Variants in GRID1 observed in about 807,000 individuals in gnomAD.
GRID1 encodes the protein glutamate receptor ionotropic, delta-1.
Under a neutral mutation model 98.0 loss-of-function variants are expected in GRID1, and 28 were observed. The observed-to-expected ratio is 0.29, with a 90% CI of 0.21 to 0.39. The LOEUF is 0.39. GRID1 is among the 10% of genes least tolerant of loss of function. The pLI is 1.00. For missense variants in GRID1, 1,111 were observed against 1,340.5 expected (o/e 0.83, Z 2.67); for synonymous variants, 553 against 538.5 (o/e 1.03, Z -0.37).
Position 86,099,543 on chromosome 10 carries a change from T to C in GRID1, c.726+39276A>G, listed in dbSNP as rs192504908. ...TCTGCCACTCAAGGTCAAATTCATC[T>C]TTCTGAAGTTTCACATTGGAGCACA... On this transcript the variant is annotated intron_variant, in intron 4 of 15. Transcript: ENST00000327946. 5.3e-5 allele frequency among the ~76,000 whole-genome samples: 8 copies of C among 152,138 alleles called. No individual in the cohort carries two copies. In the East Asian group the frequency reaches 1.4e-3, roughly 26 times the overall value.
intron 4 of GRID1, among the ~76,000 whole-genome samples, chr10:86,052,232 G>A (rs910394430): frequency 5.3e-5 from 8 of 152,130 alleles, no homozygotes; most frequent in Non-Finnish European, 1.2e-4. Context: ...GTGAAGGAAT[G>A]TGAATTTATA....
chr10:86,233,931 GA>G (rs1211685900), intron 2 of GRID1, among the ~76,000 whole-genome samples: 1 of 150,444 alleles, frequency 6.6e-6, no homozygotes, highest in African/African-American at 2.5e-5. Flanking sequence ...AGAGGGTGGA[GA>G]GGGGGTGGGG....
At chr10:86,318,946 T>C (rs1392431649) in intron 2 of GRID1, among the ~76,000 whole-genome samples, 2 of 151,958 alleles carry the variant, frequency 1.3e-5, no homozygotes, top group African/African-American at 2.4e-5. Flanking sequence ...GATCAGGAAA[T>C]AGGAAATTGG....
intron 4 of GRID1, among the ~76,000 whole-genome samples, chr10:86,055,992 T>C (rs1308357020): frequency 6.6e-6 from 1 of 152,186 alleles, no homozygotes; most frequent in Admixed American, 6.5e-5. Flanking sequence ...CAGGCTATGG[T>C]ATTTTGTTAT....
intron 5 of GRID1, among the ~76,000 whole-genome samples, chr10:85,876,331 G>T (rs780703427): frequency 6.6e-6 from 1 of 151,734 alleles, no homozygotes; most frequent in Admixed American, 6.6e-5. Flanking sequence ...GCATTCCCTG[G>T]CTTGTAGCTG....
intron 4 of GRID1, among the ~76,000 whole-genome samples, chr10:86,087,495 AGT>A (rs147005955): frequency 1.2e-5 from 1 of 81,472 alleles, no homozygotes; most frequent in East Asian, 3.2e-4. Flanking sequence ...AGAAGATCCA[AGT>A]GTGTGTGTGT....
intron 8 of GRID1, among the ~76,000 whole-genome samples, chr10:85,750,090 G>A (rs182372405): frequency 1.5e-3 from 228 of 152,246 alleles, no homozygotes; most frequent in African/African-American, 5.1e-3. Flanking sequence ...CACAGAGCAG[G>A]CACTCAATAA....
chr10:85,844,737 T>A (rs947988775), intron 8 of GRID1, among the ~76,000 whole-genome samples: 53 of 152,090 alleles, frequency 3.5e-4, no homozygotes, highest in African/African-American at 1.1e-3. Context: ...TATAAAATAA[T>A]AATAACAGCA....
chr10:86,102,389 C>A (rs762359194), intron 4 of GRID1, among the ~76,000 whole-genome samples: 5 of 152,192 alleles, frequency 3.3e-5, no homozygotes, highest in African/African-American at 7.2e-5. Flanking sequence ...GAGGAAGAAG[C>A]AGCAAAGACA....
chr10:85,694,550 G>GTGTGTA (rs1564562065), intron 12 of GRID1, among the ~76,000 whole-genome samples: 1 of 92,794 alleles, frequency 1.1e-5, no homozygotes, highest in Non-Finnish European at 2.3e-5. Flanking sequence ...AATGTGGTGT[G>GTGTGTA]TATATATATA....
At chr10:85,737,685 GT>G in intron 8 of GRID1, among the ~76,000 whole-genome samples, 1 of 78,480 alleles carries the variant, frequency 1.3e-5, no homozygotes, top group Non-Finnish European at 2.7e-5. Context: ...AACATATATG[GT>G]TATATATATA....
intron 4 of GRID1, among the ~76,000 whole-genome samples, chr10:86,011,097 G>A (rs1177526748): frequency 5.9e-5 from 9 of 152,182 alleles, no homozygotes; most frequent in Admixed American, 5.9e-4. Context: ...AAATGAAAAT[G>A]TGAGGATTAC....
At chr10:86,052,578 T>C (rs1468090780) in intron 4 of GRID1, 2 of 151,926 alleles carry the variant, frequency 1.3e-5, no homozygotes, top group African/African-American at 2.4e-5. Flanking sequence ...TTTAAATGAA[T>C]AGACAGATAG....
chr10:85,623,402 C>T (rs1476730132), intron 13 of GRID1, among the ~76,000 whole-genome samples: 2 of 152,204 alleles, frequency 1.3e-5, no homozygotes, highest in African/African-American at 4.8e-5. Context: ...GAGCTCCATC[C>T]TGCCCCACAA....
intron 4 of GRID1, among the ~76,000 whole-genome samples, chr10:86,088,634 A>G (rs1844099624): frequency 6.6e-6 from 1 of 152,166 alleles, no homozygotes; most frequent in Non-Finnish European, 1.5e-5. Flanking sequence ...CAGAGTGGGG[A>G]CTTCTGCTCC....
At chr10:85,706,510 C>G (rs77198573) in intron 12 of GRID1, among the ~76,000 whole-genome samples, 37,483 of 152,026 alleles carry the variant, frequency 0.25, 4,994 homozygotes, top group Non-Finnish European at 0.3. Context: ...TAGGAAGAAT[C>G]AATATCGTGA....
chr10:86,015,720 T>A (rs533364702), intron 4 of GRID1, among the ~76,000 whole-genome samples: 1 of 152,354 alleles, frequency 6.6e-6, no homozygotes, highest in South Asian at 2.1e-4. Flanking sequence ...GACTTCCCAT[T>A]GACTCTGTGA....
At chr10:85,889,248 C>A (rs989753092) in intron 5 of GRID1, among the ~76,000 whole-genome samples, 2 of 152,144 alleles carry the variant, frequency 1.3e-5, no homozygotes, top group Admixed American at 6.5e-5. Flanking sequence ...TTTCTGCAAT[C>A]CCCTGCACCC....
At chr10:85,671,385 CTAT>C (rs1180052079) in intron 12 of GRID1, among the ~76,000 whole-genome samples, 2 of 151,908 alleles carry the variant, frequency 1.3e-5, no homozygotes, top group African/African-American at 2.4e-5. Flanking sequence ...AAAATTATTA[CTAT>C]TATTATTATT....
Sources: gnomAD v4.1 joint callset for allele counts (sites outside exome capture counted in the v4.1 genomes callset) on GRCh38, gnomAD v4.1.1 for gene constraint, MANE v1.5 for transcripts, NCBI Gene and HGNC (gene_info 2026-07-23, HGNC 2026-07-21) for gene names.